PRUNE2: variants seen among roughly 807,000 people sequenced by gnomAD.
The protein encoded by PRUNE2 is protein prune homolog 2.
A neutral mutation model predicts 252.0 loss-of-function variants in PRUNE2; 164 were observed. That is an observed-to-expected ratio of 0.65 (90% CI 0.57 to 0.74). PRUNE2 has a LOEUF of 0.74. Among genes scored for constraint, PRUNE2 ranks in the 30% least tolerant of loss-of-function variants. The probability of loss-of-function intolerance (pLI) is 0.00; values close to 1 mark genes in which losing one functional copy is unlikely to be tolerated. For synonymous variants in PRUNE2, 1,292 were observed against 1,350.2 expected (o/e 0.96, Z 0.94); for missense variants, 3,495 against 3,711.0 (o/e 0.94, Z 1.51).
chr9:76,707,479 C>T lies in PRUNE2; in HGVS notation c.4795G>A (p.Val1599Met), dbSNP rs2134897339. ...ATTCTGTTTTTCTCTAAATCCTTCA[C>T]TTTGGTAACTATTTCTACTTGGCCA... is the stretch of plus-strand genomic sequence containing the variant. ...TDGQVEIVTK[V>M]KDLEKNRINE... Residue 1599 changes from valine (V) to methionine (M), a missense_variant, in exon 8 of 19, where the codon GTG becomes ATG. Coordinates refer to ENST00000376718, the MANE Select transcript of PRUNE2 (RefSeq NM_015225.3). 6.2e-7 allele frequency: 1 copy of T among 1,613,912 alleles called. No individual in the cohort carries two copies.
At chr9:76,837,170 A>G (rs576081456) in intron 4 of PRUNE2, among the ~76,000 whole-genome samples, 39 of 152,284 alleles carry the variant, frequency 2.6e-4, no homozygotes, top group Middle Eastern at 3.4e-3. Flanking sequence ...TTGGCCGGGC[A>G]CAGTGGCTCT....
In PRUNE2 at chr9:76,905,988, G is replaced by T. The variant is rs377102064; in HGVS notation, c.-25C>A. 2.5e-5 allele frequency: 41 copies of T among 1,613,696 alleles called. No homozygotes were observed. Among genetic ancestry groups the T allele is most frequent in the Non-Finnish European group, 3.3e-5 (39 of 1,179,718 alleles). ...TGTCGTGGCTAGGGGTTTGGAACCC[G>T]GGTACTCGGAGGGGCGCAGTGGAAA... On this transcript the variant is annotated 5_prime_UTR_variant, in exon 1 of 19. Coordinates refer to ENST00000376718, the MANE Select transcript of PRUNE2 (RefSeq NM_015225.3).
intron 1 of PRUNE2, among the ~76,000 whole-genome samples, chr9:76,889,611 C>T (rs940397684): frequency 2.0e-5 from 3 of 152,142 alleles, no homozygotes; most frequent in Non-Finnish European, 4.4e-5. Flanking sequence ...TGACCCACCT[C>T]GTCTGGCCAA....
chr9:76,627,351 A>G (rs547385339), intron 16 of PRUNE2, among the ~76,000 whole-genome samples: 2 of 151,722 alleles, frequency 1.3e-5, no homozygotes, highest in South Asian at 4.2e-4. Context: ...GACTCAAGCT[A>G]TCCACCCTCC....
intron 9 of PRUNE2, chr9:76,687,719 G>C: frequency 3.7e-6 from 1 of 267,086 alleles, no homozygotes; most frequent in Admixed American, 4.2e-5. Context: ...GGGGGAGGCT[G>C]TATTACAAAA....
At chr9:76,809,685 A>T (rs2057225822) in intron 6 of PRUNE2, among the ~76,000 whole-genome samples, 1 of 152,180 alleles carries the variant, frequency 6.6e-6, no homozygotes, top group Non-Finnish European at 1.5e-5. Flanking sequence ...ACAGAGTGAG[A>T]CTCCATCAAA....
At chr9:76,630,787 A>G (rs1421279587) in intron 15 of PRUNE2, among the ~76,000 whole-genome samples, 1 of 152,176 alleles carries the variant, frequency 6.6e-6, no homozygotes. Flanking sequence ...CAGCCTCCCA[A>G]AGTGCTGGGA....
intron 6 of PRUNE2, among the ~76,000 whole-genome samples, chr9:76,753,285 C>T (rs975394738): frequency 1.3e-5 from 2 of 152,256 alleles, no homozygotes; most frequent in South Asian, 4.1e-4. Flanking sequence ...GCCTCAACCT[C>T]CCAAAGTACT....
chr9:76,902,423 A>T (rs554053856), intron 1 of PRUNE2, among the ~76,000 whole-genome samples: 1 of 152,332 alleles, frequency 6.6e-6, no homozygotes, highest in South Asian at 2.1e-4. Context: ...GGGCAGGAGA[A>T]AAAAGAAAAT....
At chr9:76,843,840 C>T (rs916554493) in intron 4 of PRUNE2, among the ~76,000 whole-genome samples, 4 of 151,366 alleles carry the variant, frequency 2.6e-5, no homozygotes, top group South Asian at 4.2e-4. Context: ...GCAATTCTCC[C>T]GCCTCAGCCT....
chr9:76,727,855 C>T lies in PRUNE2; in HGVS notation c.757-14134G>A, dbSNP rs1158117646. ...CAGCCTCCCCGAGTAACTGGGACTA[C>T]AGGTGCAAGCCACCATGCTTGGCTA... On this transcript the variant is annotated intron_variant, in intron 6 of 18. Transcript: ENST00000376718. Among the ~76,000 whole-genome samples, 3 of 151,526 alleles carry T rather than the reference C, an allele frequency of 2.0e-5. No homozygotes were observed. The East Asian group carries it at 5.8e-4, about 29-fold the overall frequency.
At chr9:76,855,086 T>TAC (rs2060183656) in intron 1 of PRUNE2, among the ~76,000 whole-genome samples, 1 of 127,646 alleles carries the variant, frequency 7.8e-6, no homozygotes, top group Admixed American at 7.8e-5. Flanking sequence ...AAAAAAAATA[T>TAC]ATATATATAT....
At chr9:76,855,305 T>A (rs1446347729) in intron 1 of PRUNE2, among the ~76,000 whole-genome samples, 1 of 152,034 alleles carries the variant, frequency 6.6e-6, no homozygotes, top group Non-Finnish European at 1.5e-5. Context: ...AGATGACATA[T>A]GTACATACTT....
At position 76,650,575 on chromosome 9, in the gene PRUNE2, A is replaced by G. The variant is rs137904818; in HGVS notation, c.8557+1908T>C. The stretch of plus-strand genomic sequence containing the variant: ...CCATGTCCTCATGTTTACAAAATAT[A>G]GCTATTCAGAGGCACTTTGTGTTTT... On this transcript the variant is annotated intron_variant, in intron 11 of 18. Coordinates refer to ENST00000376718, the MANE Select transcript of PRUNE2 (RefSeq NM_015225.3). Among the ~76,000 whole-genome samples, 1,086 of 152,334 alleles carry G rather than the reference A, an allele frequency of 7.1e-3. 8 individuals carry two copies. The highest frequency in any genetic ancestry group is 0.011 in the Non-Finnish European group (731 of 68,028).
At position 76,861,431 on chromosome 9, in the gene PRUNE2, A is replaced by C. The variant is rs552912133; in HGVS notation, c.37-7223T>G. The stretch of plus-strand genomic sequence containing the variant: ...TCGAGAAAGAGAGGAGACAGGCATC[A>C]GTGTGAACAAATTCAGCTATAAACT... On this transcript the variant is annotated intron_variant, in intron 1 of 18. Transcript: ENST00000376718. Among the ~76,000 whole-genome samples, 5 of 152,336 alleles carry C rather than the reference A, an allele frequency of 3.3e-5. No individual in the cohort carries two copies. The South Asian group carries it at 8.3e-4, about 25-fold the overall frequency.
At chr9:76,624,744 C>T (rs542738956) in intron 16 of PRUNE2, among the ~76,000 whole-genome samples, 2 of 152,324 alleles carry the variant, frequency 1.3e-5, no homozygotes, top group East Asian at 3.9e-4. Flanking sequence ...CAGAAACATG[C>T]TGGCTGAATA....
chr9:76,722,015 G>T (rs115193205), intron 6 of PRUNE2, among the ~76,000 whole-genome samples: 1 of 152,100 alleles, frequency 6.6e-6, no homozygotes, highest in African/African-American at 2.4e-5. Context: ...GGTAAGCAAA[G>T]ATATTTTCCA....
At chr9:76,844,632 G>A (rs1157395713) in intron 4 of PRUNE2, among the ~76,000 whole-genome samples, 2 of 152,054 alleles carry the variant, frequency 1.3e-5, no homozygotes, top group South Asian at 2.1e-4. Flanking sequence ...CATATGCATT[G>A]GCAAAAGGTC....
At chr9:76,737,286 T>A (rs1390510985) in intron 6 of PRUNE2, 7 of 152,156 alleles carry the variant, frequency 4.6e-5, no homozygotes, top group African/African-American at 1.7e-4. Context: ...TCCAGCCCCA[T>A]CCTTTCTTGA....
Sources: allele counts gnomAD v4.1 joint callset (sites outside exome capture counted in the v4.1 genomes callset), GRCh38; gene constraint gnomAD v4.1.1; transcripts MANE v1.5; gene names NCBI Gene and HGNC (gene_info 2026-07-23, HGNC 2026-07-21).